The following COL1A1 variants were observed in gnomAD, a reference collection of about 807,000 sequenced individuals.
COL1A1 encodes the protein collagen type I alpha 1 chain.
A neutral mutation model predicts 195.7 loss-of-function variants in COL1A1; 21 were observed. That is an observed-to-expected ratio of 0.11 (90% CI 0.08 to 0.15). The LOEUF is 0.15. Among genes scored for constraint, COL1A1 ranks in the 10% least tolerant of loss-of-function variants. The probability of loss-of-function intolerance (pLI) is 1.00; values close to 1 mark genes in which losing one functional copy is unlikely to be tolerated. For missense variants in COL1A1, 1,365 were observed against 2,051.0 expected (o/e 0.67, Z 6.46); for synonymous variants, 749 against 747.3 (o/e 1.00, Z -0.04).
intron 25 of COL1A1, 99 bp from the exon 26 acceptor site, chr17:50,193,146 T>C: frequency 1.6e-6 from 2 of 1,264,666 alleles, no homozygotes; most frequent in Admixed American, 4.0e-5. Context: ...TAAGGGACTT[T>C]CTTTTCAAAA....
In COL1A1 at chr17:50,185,603, T is replaced by C. The variant is rs765265656; in HGVS notation, c.4294A>G (p.Thr1432Ala). 6.2e-7 allele frequency: 1 copy of C among 1,613,586 alleles called. No homozygotes were observed. The highest frequency in any genetic ancestry group is 8.5e-7 in the Non-Finnish European group (1 of 1,179,904). ...ATGATGGGCAGGCGGGAGGTCTTGGTGGTTTTGTATTCAATCACTGTCTTG... is the reference window on the plus strand; with the variant it reads ...ATGATGGGCAGGCGGGAGGTCTTGGCGGTTTTGTATTCAATCACTGTCTTG... ...WGKTVIEYKT[T>A]KTSRLPIIDV... Residue 1432 changes from threonine (T) to alanine (A), a missense_variant, in exon 51 of 51, where the codon ACC becomes GCC. Transcript: ENST00000225964.
intron 7 of COL1A1, 54 bp downstream of exon 7, chr17:50,198,106 TC>T: frequency 6.2e-7 from 1 of 1,611,054 alleles, no homozygotes; most frequent in Non-Finnish European, 8.5e-7. Flanking sequence ...ATCCCAGTCT[TC>T]CCTCCAAAAG....
In COL1A1 at chr17:50,195,398, G is replaced by A. The variant is rs772949511; in HGVS notation, c.1200+36C>T. On this transcript the variant is annotated intron_variant, in intron 18 of 50. Transcript: ENST00000225964. The surrounding 1 kb of genome is among the most constrained non-coding windows in gnomAD (Gnocchi z 4.3). ...GGAAAGGGGCAGGCAGGCTGCAGGC[G>A]GCAGGAGTGGGACTGAAGCCTGGCA... The A allele has an allele frequency of 2.4e-5, 38 of 1,613,790 alleles. No homozygotes were observed. The highest frequency in any genetic ancestry group is 6.7e-5 in the African/African-American group (5 of 74,900).
In COL1A1 at chr17:50,188,106, C is replaced by A. The variant is rs746341018; in HGVS notation, c.3251G>T (p.Arg1084Leu). 4 of 1,590,616 alleles carry A rather than the reference C, an allele frequency of 2.5e-6. No individual in the cohort carries two copies. The Admixed American group carries it at 7.1e-5, about 28-fold the overall frequency. Residue 1084 changes from arginine (R) to leucine (L), a missense_variant, in exon 44 of 51, where the codon CGT (arginine) becomes CTT (leucine). This residue lies in a region of COL1A1 where 671 missense variants were observed against 1,099.9 expected (regional missense o/e 0.61). Transcript: ENST00000225964. The surrounding 1 kb of genome is among the most constrained non-coding windows in gnomAD (Gnocchi z 5.6). Reference protein sequence around the residue: ...PAGPVGPVGARGPAGPQGPRG... With the variant: ...PAGPVGPVGALGPAGPQGPRG... Reference sequence around the variant, plus strand: ...CAGCAGGGTACTTACGGCGGGGCCACGGGCGCCAACAGGGCCGACAGGACC... The same window carrying A: ...CAGCAGGGTACTTACGGCGGGGCCAAGGGCGCCAACAGGGCCGACAGGACC...
chr17:50,195,134 CG>C lies in COL1A1; in HGVS notation c.1300-35del, dbSNP rs1907461586. 1.9e-6 allele frequency: 3 copies of C among 1,612,622 alleles called. No individual in the cohort carries two copies. The highest frequency in any genetic ancestry group is 1.7e-6 in the Non-Finnish European group (2 of 1,179,008). On this transcript the variant is annotated intron_variant, in intron 19 of 50. Transcript: ENST00000225964. This position sits in a 1 kb window ranked among gnomAD's most constrained non-coding sequence, Gnocchi z 4.3. ...GGGGAGAAGAGGATGAGCTGAGAGT[CG>C]GGGGCGCTCAGTTGGCCTGCGTCTT...
chr17:50,200,167 G>T, intron 1 of COL1A1: 5 of 574,790 alleles, frequency 8.7e-6, no homozygotes, highest in East Asian at 3.0e-5. Context: ...CAGTTCTCAG[G>T]AATTTAAACA....
In COL1A1 at chr17:50,189,638, AC is replaced by A. The variant is rs776580061; in HGVS notation, c.2667+40del. ...ATCCTTCTGGCAGCCCCCACCCAGC[AC>A]CCCCAACCTAGAGCAGTGGACTCTG... On this transcript the variant is annotated intron_variant, in intron 38 of 50. Transcript: ENST00000225964. This position sits in a 1 kb window ranked among gnomAD's most constrained non-coding sequence, Gnocchi z 5.5. 1 of 1,612,116 alleles carries A rather than the reference AC, an allele frequency of 6.2e-7. No individual in the cohort carries two copies. Among genetic ancestry groups the A allele is most frequent in the Non-Finnish European group, 8.5e-7 (1 of 1,179,332 alleles).
At chr17:50,198,283 G>A in intron 6 of COL1A1, 78 bp from the exon 7 acceptor site, 1 of 1,581,090 alleles carries the variant, frequency 6.3e-7, no homozygotes, top group Non-Finnish European at 8.7e-7. Flanking sequence ...CATGCCTGTT[G>A]GGACCACCCA....
rs181712806 is a variant in COL1A1, at chr17:50,200,463, C to A, written c.104-516G>T. 8.6e-3 allele frequency among the ~76,000 whole-genome samples: 1,307 copies of A among 152,148 alleles called. 15 individuals carry two copies. The highest frequency in any genetic ancestry group is 0.029 in the African/African-American group (1,218 of 41,490). ...CGGCTGATTGGAAGGGAGGCCCCCC[C>A]AAGACTTGAAATGTACCTCAAAATT... On this transcript the variant is annotated intron_variant, in intron 1 of 50. Transcript: ENST00000225964.
intron 8 of COL1A1, 47 bp downstream of exon 8, chr17:50,197,902 T>G (rs780182943): frequency 2.5e-6 from 4 of 1,601,500 alleles, no homozygotes; most frequent in Non-Finnish European, 3.4e-6. Context: ...TATAGGAGAG[T>G]CTGTGTGTTT....
intron 2 of COL1A1, 23 bp downstream of exon 2, chr17:50,199,727 GCCC>G: frequency 1.3e-6 from 1 of 764,986 alleles, no homozygotes; most frequent in Non-Finnish European, 2.0e-6. Context: ...CAGGCCCCAG[GCCC>G]CAGGCCCCGA....
At chr17:50,193,431 G>T (rs1907274530) in intron 25 of COL1A1, 2 of 354,822 alleles carry the variant, frequency 5.6e-6, no homozygotes, top group Non-Finnish European at 1.0e-5. Flanking sequence ...CCAGGACAGA[G>T]CAGTGGTCAT....
chr17:50,197,862 T>C, intron 8 of COL1A1, 77 bp from the exon 9 acceptor site: 2 of 1,580,986 alleles, frequency 1.3e-6, no homozygotes, highest in Non-Finnish European at 1.7e-6. Context: ...AGGGAAGAGG[T>C]AAGGAAGACC....
chr17:50,199,162 T>C lies in COL1A1; in HGVS notation c.471+64A>G, dbSNP rs1399744770. On this transcript the variant is annotated intron_variant, in intron 5 of 50. Coordinates refer to ENST00000225964, the MANE Select transcript of COL1A1 (RefSeq NM_000088.4). Reference sequence around the variant, plus strand: ...GAAATTATTTCAAAGTATAAAATTATGTCATCTGCCAAAAAACAAAAACAA... The same window carrying C: ...GAAATTATTTCAAAGTATAAAATTACGTCATCTGCCAAAAAACAAAAACAA... 4.9e-6 allele frequency: 7 copies of C among 1,428,200 alleles called. No individual in the cohort carries two copies. In the African/African-American group the frequency reaches 7.2e-5, roughly 15 times the overall value. The allele number at this position is 1,428,200 out of a possible 1,614,324, so 88.5% of individuals were successfully genotyped here. A position where few individuals can be genotyped will look rare whatever the true frequency, so the allele number is the denominator to read the frequency against.
intron 45 of COL1A1, 69 bp downstream of exon 45, chr17:50,187,807 C>A: frequency 7.2e-7 from 1 of 1,393,236 alleles, no homozygotes; most frequent in Non-Finnish European, 9.9e-7. Flanking sequence ...GAGGGGGAAA[C>A]TGAGGCGAAG....
chr17:50,198,614 A>G (rs553014882), intron 5 of COL1A1, 110 bp from the exon 6 acceptor site: 477 of 848,840 alleles, frequency 5.6e-4, no homozygotes, highest in Admixed American at 1.8e-3. Flanking sequence ...ATGTGCTGAG[A>G]AGAATAACAT....
At position 50,185,164 on chromosome 17, in the gene COL1A1, T is replaced by A. The variant is rs1906368687; in HGVS notation, c.*338A>T. 2.9e-6 allele frequency: 1 copy of A among 341,750 alleles called. No homozygotes were observed. The highest frequency in any genetic ancestry group is 4.1e-5 in the South Asian group (1 of 24,404). 21.2% of individuals were successfully genotyped at this position (341,750 alleles called of 1,614,324 possible). A position where few individuals can be genotyped will look rare whatever the true frequency, so the allele number is the denominator to read the frequency against. ...GAGCAGAAAGGGCAGCATTGGGGTT[T>A]CATAAGCCCAACGGGCAGAAAGGGA... On this transcript the variant is annotated 3_prime_UTR_variant, in exon 51 of 51. Coordinates refer to ENST00000225964, the MANE Select transcript of COL1A1 (RefSeq NM_000088.4).
In COL1A1 at chr17:50,201,616, A is replaced by G. The variant is rs907376036; in HGVS notation, c.-103T>C. On this transcript the variant is annotated 5_prime_UTR_variant, in exon 1 of 51. Coordinates refer to ENST00000225964, the MANE Select transcript of COL1A1 (RefSeq NM_000088.4). The stretch of plus-strand genomic sequence containing the variant: ...CGTGCCTCCTGCTCCGACCCCGAGG[A>G]GAAACTCCCGTCTGCTCCGACGACT... The G allele has an allele frequency of 9.9e-7, 1 of 1,013,054 alleles. No homozygotes were observed. The allele number at this position is 1,013,054 out of a possible 1,614,324, so 62.8% of individuals were successfully genotyped here.
In COL1A1 at chr17:50,195,359, G is replaced by A. The variant is rs1408478404; in HGVS notation, c.1201-29C>T. ...TGGGAGGCAGACAGCCAGGGCGTGAGCCTAGGAGCAGAGGGAAAGGGGCAG... is the reference window on the plus strand; with the variant it reads ...TGGGAGGCAGACAGCCAGGGCGTGAACCTAGGAGCAGAGGGAAAGGGGCAG... On this transcript the variant is annotated intron_variant, in intron 18 of 50. Transcript: ENST00000225964. The surrounding 1 kb of genome is among the most constrained non-coding windows in gnomAD (Gnocchi z 4.3). The A allele has an allele frequency of 3.7e-6, 6 of 1,613,746 alleles. No individual in the cohort carries two copies. Among genetic ancestry groups the A allele is most frequent in the Admixed American group, 3.3e-5 (2 of 60,030 alleles).
Sources: gnomAD v4.1 joint callset for allele counts (sites outside exome capture counted in the v4.1 genomes callset) on GRCh38, gnomAD v4.1.1 for gene constraint, gnomAD v4.1.1 regional missense constraint, Gnocchi (gnomAD v3.1) non-coding constraint, MANE v1.5 for transcripts, NCBI Gene and HGNC (gene_info 2026-07-23, HGNC 2026-07-21) for gene names.